Variants in CDH18 observed in about 807,000 individuals in gnomAD.
The protein encoded by CDH18 is cadherin 18, also known as cadherin-18.
CDH18 carries 31 observed loss-of-function variants against 67.9 expected under a neutral mutation model. The ratio of observed to expected loss-of-function variants is 0.46; its 90% CI spans 0.34 to 0.62. CDH18 has a LOEUF of 0.62. CDH18 is among the 20% of genes least tolerant of loss of function. The probability of loss-of-function intolerance (pLI) is 0.01; values close to 1 mark genes in which losing one functional copy is unlikely to be tolerated. For missense variants in CDH18, 890 were observed against 975.5 expected (o/e 0.91, Z 1.17); for synonymous variants, 362 against 347.2 (o/e 1.04, Z -0.48).
At chr5:20,316,479 C>A (rs1737474730) in intron 1 of CDH18, among the ~76,000 whole-genome samples, 1 of 152,006 alleles carries the variant, frequency 6.6e-6, no homozygotes, top group Admixed American at 6.6e-5. Context: ...CTACATTGCA[C>A]AATACACATA....
At chr5:19,860,544 T>A (rs1239165146) in intron 2 of CDH18, among the ~76,000 whole-genome samples, 1 of 151,850 alleles carries the variant, frequency 6.6e-6, no homozygotes, top group Non-Finnish European at 1.5e-5. Flanking sequence ...TTTATATTGG[T>A]CTGACTTGTC....
At chr5:19,523,339 A>G (rs1385797219) in intron 9 of CDH18, among the ~76,000 whole-genome samples, 7 of 152,172 alleles carry the variant, frequency 4.6e-5, no homozygotes, top group Admixed American at 3.9e-4. Context: ...GATAAATTTG[A>G]TTGCACTAAA....
chr5:20,271,717 G>C (rs977024594), intron 1 of CDH18, among the ~76,000 whole-genome samples: 2 of 151,992 alleles, frequency 1.3e-5, no homozygotes, highest in African/African-American at 4.8e-5. Context: ...ACAGACCTCA[G>C]GGAAAACCAA....
intron 1 of CDH18, among the ~76,000 whole-genome samples, chr5:20,434,925 A>G (rs1749054875): frequency 1.3e-5 from 2 of 152,092 alleles, no homozygotes; most frequent in Non-Finnish European, 2.9e-5. Flanking sequence ...TGCAGCAAGC[A>G]GTCTCTTGGA....
chr5:19,509,335 G>C (rs1744747822), intron 10 of CDH18, among the ~76,000 whole-genome samples: 1 of 151,996 alleles, frequency 6.6e-6, no homozygotes, highest in Non-Finnish European at 1.5e-5. Context: ...ATAACCTGTT[G>C]GGCACAATGT....
intron 2 of CDH18, among the ~76,000 whole-genome samples, chr5:19,909,201 A>C (rs535279511): frequency 2.9e-4 from 44 of 152,250 alleles, no homozygotes; most frequent in Middle Eastern, 3.4e-3. Flanking sequence ...GCAACTCCAC[A>C]ATATATTTTT....
intron 3 of CDH18, among the ~76,000 whole-genome samples, chr5:19,814,755 T>C (rs558568077): frequency 6.6e-6 from 1 of 151,982 alleles, no homozygotes; most frequent in South Asian, 2.1e-4. Context: ...AGGCCAATTG[T>C]AACTAATAGA....
chr5:20,316,895 T>G (rs1737513841), intron 1 of CDH18, among the ~76,000 whole-genome samples: 1 of 152,048 alleles, frequency 6.6e-6, no homozygotes, highest in African/African-American at 2.4e-5. Flanking sequence ...TTACTGGATA[T>G]TTTATGCACT....
chr5:20,271,399 T>G (rs2126665791), intron 1 of CDH18, among the ~76,000 whole-genome samples: 1 of 152,158 alleles, frequency 6.6e-6, no homozygotes, highest in East Asian at 1.9e-4. Flanking sequence ...ATATTGTCTA[T>G]CCAGAAATAT....
chr5:20,007,608 G>C (rs1737013160), intron 2 of CDH18, among the ~76,000 whole-genome samples: 1 of 152,056 alleles, frequency 6.6e-6, no homozygotes, highest in Admixed American at 6.6e-5. Context: ...ATTAGCAAGA[G>C]AGAGAGTAGC....
intron 1 of CDH18, among the ~76,000 whole-genome samples, chr5:20,293,028 A>G (rs959797167): frequency 1.3e-5 from 2 of 152,184 alleles, no homozygotes; most frequent in African/African-American, 4.8e-5. Flanking sequence ...AAAACTGTTC[A>G]GAGTGAGGCC....
At chr5:19,566,846 T>C (rs904942208) in intron 8 of CDH18, among the ~76,000 whole-genome samples, 5 of 152,048 alleles carry the variant, frequency 3.3e-5, no homozygotes, top group South Asian at 2.1e-4. Flanking sequence ...TGTCCATCAA[T>C]AGATGAATGG....
At chr5:19,520,161 A>G (rs2126897114) in intron 10 of CDH18, among the ~76,000 whole-genome samples, 1 of 152,162 alleles carries the variant, frequency 6.6e-6, no homozygotes, top group African/African-American at 2.4e-5. Context: ...CTCTTGCCCC[A>G]TGATCCAGAT....
At chr5:20,172,198 A>ATATATATG (rs1736790895) in intron 2 of CDH18, among the ~76,000 whole-genome samples, 2 of 46,486 alleles carry the variant, frequency 4.3e-5, no homozygotes, top group African/African-American at 2.2e-4. Context: ...GTGTATATAT[A>ATATATATG]TATATATATA....
intron 2 of CDH18, among the ~76,000 whole-genome samples, chr5:20,016,969 G>T (rs1737934216): frequency 1.3e-5 from 2 of 151,992 alleles, no homozygotes; most frequent in Non-Finnish European, 2.9e-5. Context: ...AATTTCTCAT[G>T]GTTCATTGTC....
chr5:20,273,800 C>A (rs1182882186), intron 1 of CDH18, among the ~76,000 whole-genome samples: 1 of 152,056 alleles, frequency 6.6e-6, no homozygotes, highest in Non-Finnish European at 1.5e-5. Flanking sequence ...CAAACCTATA[C>A]CAGGATGTTA....
intron 1 of CDH18, among the ~76,000 whole-genome samples, chr5:20,475,295 T>TA (rs1347282279): frequency 1.3e-5 from 2 of 152,180 alleles, no homozygotes; most frequent in Non-Finnish European, 2.9e-5. Flanking sequence ...GATTTTTTTT[T>TA]ATGTTCCAGG....
At chr5:19,590,889 A>G (rs1416536485) in intron 7 of CDH18, among the ~76,000 whole-genome samples, 168 bp downstream of exon 7, 1 of 152,166 alleles carries the variant, frequency 6.6e-6, no homozygotes, top group Non-Finnish European at 1.5e-5. Flanking sequence ...TCTGAAGAAA[A>G]GATCTAAACA....
chr5:19,924,351 C>CTCTAT (rs1414231599), intron 2 of CDH18, among the ~76,000 whole-genome samples: 1 of 152,176 alleles, frequency 6.6e-6, no homozygotes, highest in African/African-American at 2.4e-5. Flanking sequence ...AAAAATAGGA[C>CTCTAT]TTTGGCCAGT....
Sources: allele counts gnomAD v4.1 joint callset (sites outside exome capture counted in the v4.1 genomes callset), GRCh38; gene constraint gnomAD v4.1.1; transcripts MANE v1.5; gene names NCBI Gene and HGNC (gene_info 2026-07-23, HGNC 2026-07-21).